The following TRHDE variants were observed in gnomAD, a reference collection of about 807,000 sequenced individuals.
TRHDE encodes the protein thyrotropin-releasing hormone-degrading ectoenzyme.
In TRHDE, 72 loss-of-function variants were observed where a neutral mutation model predicts 125.7. The ratio of observed to expected loss-of-function variants is 0.57; its 90% confidence interval spans 0.47 to 0.70. TRHDE has a LOEUF of 0.70. Among genes scored for constraint, TRHDE ranks in the 30% least tolerant of loss-of-function variants. The probability of loss-of-function intolerance (pLI) is 0.00; values close to 1 mark genes in which losing one functional copy is unlikely to be tolerated. For missense variants in TRHDE, 1,110 were observed against 1,327.1 expected (o/e 0.84, Z 2.54); for synonymous variants, 509 against 509.1 (o/e 1.00, Z 0.00).
At chr12:72,187,310 AACACACACACACACACACAC>A (rs59164233) in intron 2 of TRHDE, among the ~76,000 whole-genome samples, 10 of 131,330 alleles carry the variant, frequency 7.6e-5, no homozygotes, top group Middle Eastern at 3.9e-3. Flanking sequence ...AGAGAAACAC[AACACACACACACACACACAC>A]ACACACACAC....
At chr12:72,424,567 G>T (rs564732768) in intron 3 of TRHDE, among the ~76,000 whole-genome samples, 11 of 152,126 alleles carry the variant, frequency 7.2e-5, no homozygotes, top group African/African-American at 2.4e-4. Flanking sequence ...CACTAAATTT[G>T]TGTTAACTTG....
chr12:72,472,733 C>T (rs1433871396), intron 4 of TRHDE, among the ~76,000 whole-genome samples: 1 of 152,126 alleles, frequency 6.6e-6, no homozygotes, highest in Non-Finnish European at 1.5e-5. Context: ...AGAAACAAGC[C>T]TTTCCTCTTC....
intron 2 of TRHDE, among the ~76,000 whole-genome samples, chr12:72,131,107 T>A (rs973779376): frequency 6.8e-6 from 1 of 146,278 alleles, no homozygotes; most frequent in African/African-American, 2.5e-5. Context: ...AGTCTTCCTC[T>A]GTCACCCAGG....
rs201841074 is a variant in TRHDE at position 72,649,861 on chromosome 12, CA to C, written c.2676-2453del. Among the ~76,000 whole-genome samples the C allele has an allele frequency of 4.2e-4, 63 of 151,352 alleles. No individual in the cohort carries two copies. The East Asian group carries it at 8.6e-3, about 21-fold the overall frequency. ...ACCTCACACTCAGGATAGCTATTAT[CA>C]AAAAAAACAAAACACAGCAAATGTT... On this transcript the variant is annotated intron_variant, in intron 15 of 18. Coordinates refer to ENST00000261180, the MANE Select transcript of TRHDE (RefSeq NM_013381.3).
chr12:72,236,406 T>A (rs574850961), intron 2 of TRHDE, among the ~76,000 whole-genome samples: 77 of 150,374 alleles, frequency 5.1e-4, no homozygotes, highest in Non-Finnish European at 6.9e-4. Flanking sequence ...CCTTTTTATT[T>A]GCAGGAACTT....
Position 72,273,232 on chromosome 12 carries a change from C to G in TRHDE, c.589C>G (p.Leu197Val). Residue 197 changes from leucine (L) to valine (V), a missense_variant, in exon 1 of 19, where the codon CTG (leucine) becomes GTG (valine). By Grantham distance (32) the Leu-to-Val change is conservative. Coordinates refer to ENST00000261180, the MANE Select transcript of TRHDE (RefSeq NM_013381.3). The surrounding 1 kb of genome is among the most constrained non-coding windows in gnomAD (Gnocchi z 5.3). The stretch of plus-strand genomic sequence containing the variant: ...CCACCTGAAGCCGCTGCACTACAAT[C>G]TGATGCTCACCGCCTTCATGGAGAA... ...SGHLKPLHYN[L>V]MLTAFMENFT... 6.2e-7 allele frequency: 1 copy of G among 1,613,832 alleles called. No individual in the cohort carries two copies. Among genetic ancestry groups the G allele is most frequent in the Non-Finnish European group, 8.5e-7 (1 of 1,179,954 alleles).
At chr12:72,177,216 A>C (rs568855894) in intron 2 of TRHDE, among the ~76,000 whole-genome samples, 1 of 152,286 alleles carries the variant, frequency 6.6e-6, no homozygotes, top group African/African-American at 2.4e-5. Flanking sequence ...GATTGCTTAT[A>C]TTTATAGTTC....
chr12:72,261,926 C>G lies in TRHDE; in HGVS notation n.280-116069C>G, dbSNP rs1878958888. On this transcript the variant is annotated intron_variant and non_coding_transcript_variant, in intron 2 of 4. Transcript: ENST00000548156. Reference sequence around the variant, plus strand: ...CTTCAATTTGTACTCTGAGAAAGAACTGAAGAACACTGAACTTTGGAAAAA... The same window carrying G: ...CTTCAATTTGTACTCTGAGAAAGAAGTGAAGAACACTGAACTTTGGAAAAA... Among the ~76,000 whole-genome samples the G allele has an allele frequency of 2.0e-5, 3 of 152,094 alleles. No individual in the cohort carries two copies. The South Asian group carries it at 6.2e-4, about 32-fold the overall frequency.
At chr12:72,660,659 T>C (rs1874881994) in intron 18 of TRHDE, among the ~76,000 whole-genome samples, 1 of 152,210 alleles carries the variant, frequency 6.6e-6, no homozygotes, top group Non-Finnish European at 1.5e-5. Context: ...TAATAATGTT[T>C]ATACTAATGA....
At chr12:72,214,052 T>G (rs980520179) in intron 2 of TRHDE, among the ~76,000 whole-genome samples, 1 of 152,122 alleles carries the variant, frequency 6.6e-6, no homozygotes, top group African/African-American at 2.4e-5. Context: ...ATTTTGTACA[T>G]TTTACTCAAT....
In TRHDE at chr12:72,281,634, C is replaced by T. The variant is rs369388782; in HGVS notation, c.915-5047C>T. Among the ~76,000 whole-genome samples the T allele has an allele frequency of 1.0e-3, 159 of 152,242 alleles. 1 individual carries two copies. The highest frequency in any genetic ancestry group is 3.6e-3 in the African/African-American group (148 of 41,540). ...GTTTGTGAGATTCTCTTGGTTTTGG[C>T]GGATTCCACAGTGAAATGCCATGAA... On this transcript the variant is annotated intron_variant, in intron 1 of 18. Coordinates refer to ENST00000261180, the MANE Select transcript of TRHDE (RefSeq NM_013381.3).
At chr12:72,523,489 G>A (rs1041581331) in intron 6 of TRHDE, among the ~76,000 whole-genome samples, 4 of 152,102 alleles carry the variant, frequency 2.6e-5, no homozygotes, top group Admixed American at 6.6e-5. Context: ...TAGGTTCCTA[G>A]GGTAAAGGGC....
rs138697303 is a variant in TRHDE, at chr12:72,141,225, T to C, written n.279+35473T>C. Among the ~76,000 whole-genome samples the C allele has an allele frequency of 7.0e-4, 106 of 152,284 alleles. 1 individual carries two copies. In the East Asian group the frequency reaches 0.016, roughly 24 times the overall value. On this transcript the variant is annotated intron_variant and non_coding_transcript_variant, in intron 2 of 4. Coordinates refer to the TRHDE transcript ENST00000548156. ...TTCTATGAATAAAATGCTATTTTTT[T>C]CCCCCTGACTACTCTAAAGCCTGAT...
intron 2 of TRHDE, among the ~76,000 whole-genome samples, chr12:72,200,972 C>T (rs1461764900): frequency 1.3e-5 from 2 of 152,094 alleles, no homozygotes; most frequent in Non-Finnish European, 2.9e-5. Context: ...TGGAGTAGGA[C>T]AGTGATACAG....
intron 2 of TRHDE, among the ~76,000 whole-genome samples, chr12:72,182,788 T>C (rs1398173834): frequency 6.6e-6 from 1 of 152,072 alleles, no homozygotes; most frequent in Admixed American, 6.6e-5. Flanking sequence ...GGGAAGGAAG[T>C]GTAGGAAGAG....
intron 12 of TRHDE, among the ~76,000 whole-genome samples, chr12:72,611,473 T>C (rs574915228): frequency 5.3e-5 from 8 of 152,276 alleles, no homozygotes; most frequent in Admixed American, 2.0e-4. Flanking sequence ...ACAAATTATA[T>C]CACATTTTGA....
At chr12:72,380,254 A>G (rs547309200) in intron 3 of TRHDE, among the ~76,000 whole-genome samples, 1 of 152,338 alleles carries the variant, frequency 6.6e-6, no homozygotes, top group African/African-American at 2.4e-5. Context: ...ATACCAGTGA[A>G]TGAACAAGGC....
intron 2 of TRHDE, among the ~76,000 whole-genome samples, chr12:72,164,983 C>G (rs1876713261): frequency 6.6e-6 from 1 of 152,168 alleles, no homozygotes; most frequent in Admixed American, 6.5e-5. Context: ...TGCATTTACC[C>G]TACAGCTGAC....
chr12:72,204,559 TG>T (rs906547100), intron 2 of TRHDE, among the ~76,000 whole-genome samples: 12 of 152,172 alleles, frequency 7.9e-5, no homozygotes, highest in Admixed American at 1.3e-4. Context: ...CTAACTTAAT[TG>T]ATTAATTATT....
Sources: allele counts gnomAD v4.1 joint callset (sites outside exome capture counted in the v4.1 genomes callset), GRCh38; gene constraint gnomAD v4.1.1; non-coding constraint Gnocchi (gnomAD v3.1); transcripts MANE v1.5; gene names NCBI Gene and HGNC (gene_info 2026-07-23, HGNC 2026-07-21).